Variants in CLSTN2 observed in about 807,000 individuals in gnomAD.
CLSTN2 encodes the protein calsyntenin 2.
In CLSTN2, 48 loss-of-function variants were observed where a neutral mutation model predicts 101.2. The ratio of observed to expected loss-of-function variants is 0.47; its 90% confidence interval spans 0.38 to 0.60. The LOEUF (loss-of-function observed/expected upper bound fraction) is 0.60, where lower values mean the gene tolerates loss of function less well. CLSTN2 is among the 20% of genes least tolerant of loss of function. The pLI, the probability that CLSTN2 is intolerant of heterozygous loss-of-function variation, is 0.00. For missense variants in CLSTN2, 1,160 were observed against 1,238.2 expected (o/e 0.94, Z 0.95); for synonymous variants, 481 against 463.6 (o/e 1.04, Z -0.48).
At chr3:140,348,440 T>A (rs1397424379) in intron 2 of CLSTN2, among the ~76,000 whole-genome samples, 1 of 152,188 alleles carries the variant, frequency 6.6e-6, no homozygotes, top group Non-Finnish European at 1.5e-5. Context: ...TCTTCTTTCT[T>A]CATCCTTGTG....
chr3:140,179,643 A>C (rs974668755), intron 2 of CLSTN2, among the ~76,000 whole-genome samples: 17 of 149,808 alleles, frequency 1.1e-4, no homozygotes, highest in South Asian at 2.1e-4. Context: ...AAAAAAAAAA[A>C]AAAAAAAAAC....
chr3:140,137,194 C>T (rs892154668), intron 1 of CLSTN2, among the ~76,000 whole-genome samples: 17 of 152,260 alleles, frequency 1.1e-4, no homozygotes, highest in African/African-American at 4.1e-4. Context: ...CCTGCCCCAG[C>T]CCCAGAAGGG....
At chr3:140,225,682 G>A (rs1039402384) in intron 2 of CLSTN2, among the ~76,000 whole-genome samples, 5 of 152,018 alleles carry the variant, frequency 3.3e-5, no homozygotes, top group Admixed American at 6.6e-5. Flanking sequence ...ATTCTTAGTA[G>A]AGATGGGGTT....
intron 1 of CLSTN2, among the ~76,000 whole-genome samples, chr3:140,057,432 C>T (rs550632473): frequency 6.6e-6 from 1 of 152,300 alleles, no homozygotes; most frequent in South Asian, 2.1e-4. Flanking sequence ...TGTTGGCCTT[C>T]CCTGACAGTA....
chr3:140,111,687 A>G (rs1376425503), intron 1 of CLSTN2, among the ~76,000 whole-genome samples: 2 of 152,142 alleles, frequency 1.3e-5, no homozygotes, highest in African/African-American at 4.8e-5. Context: ...TGGGGCCTAC[A>G]AGAGGAGTAA....
chr3:140,021,464 C>G (rs530142336), intron 1 of CLSTN2, among the ~76,000 whole-genome samples: 6 of 152,316 alleles, frequency 3.9e-5, no homozygotes, highest in African/African-American at 1.4e-4. Context: ...CTATGTTTAG[C>G]TCCCAGACAC....
At chr3:140,244,617 C>T (rs953198349) in intron 2 of CLSTN2, among the ~76,000 whole-genome samples, 5 of 152,176 alleles carry the variant, frequency 3.3e-5, no homozygotes, top group African/African-American at 4.8e-5. Context: ...TGCTTAATAA[C>T]AGTTTATTGA....
At chr3:140,024,712 G>A (rs992023421) in intron 1 of CLSTN2, among the ~76,000 whole-genome samples, 4 of 152,170 alleles carry the variant, frequency 2.6e-5, no homozygotes, top group Non-Finnish European at 5.9e-5. Flanking sequence ...GAGAACTTAG[G>A]ACTTAGGTGA....
intron 2 of CLSTN2, among the ~76,000 whole-genome samples, chr3:140,298,056 A>G (rs1334371528): frequency 6.6e-6 from 1 of 152,236 alleles, no homozygotes; most frequent in Non-Finnish European, 1.5e-5. Context: ...CACTCAAGTC[A>G]ACAATTTACT....
At chr3:140,033,656 A>G (rs2007600571) in intron 1 of CLSTN2, among the ~76,000 whole-genome samples, 1 of 152,248 alleles carries the variant, frequency 6.6e-6, no homozygotes, top group African/African-American at 2.4e-5. Flanking sequence ...TAGACTGAAA[A>G]AAGAAGAGAC....
intron 5 of CLSTN2, among the ~76,000 whole-genome samples, chr3:140,436,276 G>T (rs552949253): frequency 3.2e-4 from 49 of 152,280 alleles, no homozygotes; most frequent in Non-Finnish European, 5.7e-4. Flanking sequence ...GTGAGAGATG[G>T]GGTCTAGTTT....
chr3:140,422,135 G>A (rs1049692001), intron 5 of CLSTN2, among the ~76,000 whole-genome samples: 7 of 151,896 alleles, frequency 4.6e-5, no homozygotes, highest in African/African-American at 1.7e-4. Context: ...CCTTCTCTTG[G>A]TGTGTCTTTA....
chr3:140,052,911 T>C (rs1313445452), intron 1 of CLSTN2, among the ~76,000 whole-genome samples: 1 of 152,130 alleles, frequency 6.6e-6, no homozygotes, highest in African/African-American at 2.4e-5. Flanking sequence ...ATAGCAAACC[T>C]TGGGTGTGGT....
At chr3:140,015,013 A>G (rs1248753879) in intron 1 of CLSTN2, among the ~76,000 whole-genome samples, 2 of 152,218 alleles carry the variant, frequency 1.3e-5, no homozygotes, top group African/African-American at 4.8e-5. Flanking sequence ...GGTCAGAGAC[A>G]AAGGACTTTG....
At chr3:140,257,758 A>G (rs1260461009) in intron 2 of CLSTN2, among the ~76,000 whole-genome samples, 3 of 152,176 alleles carry the variant, frequency 2.0e-5, no homozygotes, top group Non-Finnish European at 4.4e-5. Context: ...TCTGCTGGGC[A>G]TGTAGGTTGT....
intron 2 of CLSTN2, among the ~76,000 whole-genome samples, chr3:140,280,207 A>C (rs2107895997): frequency 6.6e-6 from 1 of 152,328 alleles, no homozygotes; most frequent in Middle Eastern, 3.4e-3. Flanking sequence ...ATCTTACATA[A>C]TAATATGTGT....
intron 10 of CLSTN2, among the ~76,000 whole-genome samples, chr3:140,555,546 T>C (rs775768591): frequency 2.0e-5 from 3 of 152,196 alleles, no homozygotes; most frequent in Non-Finnish European, 4.4e-5. Context: ...GTGAATATAT[T>C]ATCTATTCAA....
At chr3:140,125,210 A>T (rs1207216024) in intron 1 of CLSTN2, among the ~76,000 whole-genome samples, 2 of 152,162 alleles carry the variant, frequency 1.3e-5, no homozygotes, top group African/African-American at 4.8e-5. Flanking sequence ...TGCAGTGAAT[A>T]GGAGCATGAG....
chr3:139,983,903 A>G (rs1026428284), intron 1 of CLSTN2, among the ~76,000 whole-genome samples: 1 of 152,190 alleles, frequency 6.6e-6, no homozygotes, highest in Non-Finnish European at 1.5e-5. Context: ...AATGCTTCTA[A>G]AAATAAATAT....
Sources: allele counts gnomAD v4.1 joint callset (sites outside exome capture counted in the v4.1 genomes callset), GRCh38; gene constraint gnomAD v4.1.1; transcripts MANE v1.5; gene names NCBI Gene and HGNC (gene_info 2026-07-23, HGNC 2026-07-21).